The following TCF4 variants were observed in gnomAD, a reference collection of about 807,000 sequenced individuals.
The protein encoded by TCF4 is transcription factor 4.
A neutral mutation model predicts 82.1 loss-of-function variants in TCF4; 3 were observed. That is an observed-to-expected ratio of 0.04 (90% CI 0.02 to 0.09). TCF4 has a LOEUF of 0.09. Ranked by LOEUF, TCF4 falls within the 10% of genes least tolerant of loss-of-function variation. The probability of loss-of-function intolerance (pLI) is 1.00; values close to 1 mark genes in which losing one functional copy is unlikely to be tolerated. For synonymous variants in TCF4, 276 were observed against 309.6 expected (o/e 0.89, Z 1.14); for missense variants, 518 against 852.7 (o/e 0.61, Z 4.89).
In TCF4 at chr18:55,315,343, ATTTC is replaced by A. The variant is rs987785723; in HGVS notation, c.549+35012_549+35015del. On this transcript the variant is annotated intron_variant, in intron 8 of 19. Coordinates refer to ENST00000354452, the MANE Select transcript of TCF4 (RefSeq NM_001083962.2). The stretch of plus-strand genomic sequence containing the variant: ...TAAATACCTCAATGAATATGTGCAG[ATTTC>A]TTTAAGAAATTAGGAAGAATAGGAA... Among the ~76,000 whole-genome samples, 57 of 152,284 alleles carry A rather than the reference ATTTC, an allele frequency of 3.7e-4. 2 individuals carry two copies. In the East Asian group the frequency reaches 3.9e-3, roughly 10 times the overall value.
chr18:55,427,619 A>C lies in TCF4; in HGVS notation c.305-24101T>G, dbSNP rs763069806. On this transcript the variant is annotated intron_variant, in intron 5 of 19. Coordinates refer to ENST00000354452, the MANE Select transcript of TCF4 (RefSeq NM_001083962.2). Reference sequence around the variant, plus strand: ...AAATAGGACTAGGAATAACATCTACATCATGCTATTGTTGTGAGGAACAAA... The same window carrying C: ...AAATAGGACTAGGAATAACATCTACCTCATGCTATTGTTGTGAGGAACAAA... 3.9e-5 allele frequency among the ~76,000 whole-genome samples: 6 copies of C among 152,318 alleles called. No individual in the cohort carries two copies. In the South Asian group the frequency reaches 1.0e-3, roughly 26 times the overall value.
At chr18:55,233,920 A>G (rs1394580465) in intron 16 of TCF4, among the ~76,000 whole-genome samples, 1 of 152,086 alleles carries the variant, frequency 6.6e-6, no homozygotes, top group Admixed American at 6.6e-5. Context: ...AATGTTGAAC[A>G]GCTGAAAAAA....
intron 5 of TCF4, among the ~76,000 whole-genome samples, chr18:55,424,586 C>G (rs2094906585): frequency 6.6e-6 from 1 of 151,952 alleles, no homozygotes; most frequent in South Asian, 2.1e-4. Context: ...AAGGGGGGAG[C>G]AGAGAAAGAC....
intron 8 of TCF4, among the ~76,000 whole-genome samples, chr18:55,337,685 A>C (rs1313118194): frequency 6.6e-6 from 1 of 152,142 alleles, no homozygotes; most frequent in African/African-American, 2.4e-5. Context: ...GAGTGGTGAT[A>C]ATTTAAAAAT....
chr18:55,263,730 CT>C (rs535053980), intron 11 of TCF4, among the ~76,000 whole-genome samples: 73 of 146,242 alleles, frequency 5.0e-4, no homozygotes, highest in Admixed American at 6.9e-4. Flanking sequence ...GGGTACTTAT[CT>C]TTTTTTTTTT....
intron 6 of TCF4, among the ~76,000 whole-genome samples, chr18:55,397,327 A>G (rs2093559243): frequency 6.6e-6 from 1 of 152,220 alleles, no homozygotes; most frequent in Admixed American, 6.5e-5. Flanking sequence ...AAAACAAGTG[A>G]TGAACAAAAT....
At chr18:55,275,865 T>C (rs2061418852) in intron 9 of TCF4, 113 bp from the exon 10 acceptor site, 6 of 1,368,566 alleles carry the variant, frequency 4.4e-6, no homozygotes, top group African/African-American at 2.8e-5. Flanking sequence ...CATCTTTGTG[T>C]TGGTTAGCTG....
At chr18:55,542,686 T>A (rs1454014592) in intron 3 of TCF4, among the ~76,000 whole-genome samples, 1 of 151,918 alleles carries the variant, frequency 6.6e-6, no homozygotes, top group Non-Finnish European at 1.5e-5. Context: ...GTACACACAA[T>A]CTGCCATGTA....
chr18:55,403,944 C>G (rs2093961371), intron 5 of TCF4: 1 of 1,349,486 alleles, frequency 7.4e-7, no homozygotes, highest in African/African-American at 1.5e-5. Flanking sequence ...TAATCAATCA[C>G]AGGCTCTCCA....
At chr18:55,530,561 A>AAG (rs1555729284) in intron 3 of TCF4, among the ~76,000 whole-genome samples, 1 of 106,488 alleles carries the variant, frequency 9.4e-6, no homozygotes, top group South Asian at 4.0e-4. Context: ...GGCCCTGAAA[A>AAG]GGGGGGGGGA....
chr18:55,525,451 G>A (rs867507631), intron 3 of TCF4, among the ~76,000 whole-genome samples: 6 of 152,044 alleles, frequency 3.9e-5, no homozygotes, highest in Admixed American at 1.3e-4. Flanking sequence ...AAGTAAATTC[G>A]AGGGCCATAT....
At chr18:55,509,031 GA>G (rs2096795402) in intron 3 of TCF4, among the ~76,000 whole-genome samples, 1 of 151,956 alleles carries the variant, frequency 6.6e-6, no homozygotes, top group Admixed American at 6.6e-5. Context: ...TTTTAAACAG[GA>G]AAAATACTCC....
chr18:55,602,220 AAATTAAGTAACTTGCTC>A (rs1369529454), intron 2 of TCF4, among the ~76,000 whole-genome samples: 1 of 152,214 alleles, frequency 6.6e-6, no homozygotes, highest in African/African-American at 2.4e-5. Flanking sequence ...AGGCAGAGAG[AAATTAAGTAACTTGCTC>A]AATTAAGTAA....
chr18:55,587,909 T>G lies in TCF4; in HGVS notation c.-21+129A>C, dbSNP rs1013257614. 4.9e-6 allele frequency: 4 copies of G among 815,812 alleles called. No homozygotes were observed. In the African/African-American group the frequency reaches 7.5e-5, roughly 15 times the overall value. The allele number at this position is 815,812 out of a possible 1,614,324, so 50.5% of individuals were successfully genotyped here. ...GCGGCGGGAGGGGAAGGGGTGTCTC[T>G]TCTGGGAGCGCCGGGCGCCGGGAGC... On this transcript the variant is annotated intron_variant, in intron 1 of 19. Coordinates refer to ENST00000354452, the MANE Select transcript of TCF4 (RefSeq NM_001083962.2).
intron 3 of TCF4, among the ~76,000 whole-genome samples, chr18:55,481,989 A>G (rs562762409): frequency 6.6e-6 from 1 of 152,282 alleles, no homozygotes; most frequent in African/African-American, 2.4e-5. Flanking sequence ...GAGGTTTCTG[A>G]TATTTATTTA....
intron 6 of TCF4, among the ~76,000 whole-genome samples, chr18:55,395,487 A>G (rs1241875323): frequency 6.6e-6 from 1 of 152,186 alleles, no homozygotes; most frequent in Non-Finnish European, 1.5e-5. Context: ...TCTCAAAGCA[A>G]TTTCAATGGC....
chr18:55,507,301 G>A (rs1235799281), intron 3 of TCF4, among the ~76,000 whole-genome samples: 1 of 152,294 alleles, frequency 6.6e-6, no homozygotes. Flanking sequence ...ACTAGAACCT[G>A]AGCACTGCCA....
intron 3 of TCF4, among the ~76,000 whole-genome samples, chr18:55,538,026 G>GCGCA (rs1277287061): frequency 0.044 from 5,822 of 131,462 alleles, 134 homozygotes; most frequent in South Asian, 0.11. Flanking sequence ...CTGCGCGCGC[G>GCGCA]CACACACACA....
At chr18:55,520,483 A>G (rs1568302026) in intron 3 of TCF4, among the ~76,000 whole-genome samples, 1 of 152,174 alleles carries the variant, frequency 6.6e-6, no homozygotes. Flanking sequence ...ATAGGCTCCC[A>G]AGCAAAATGT....
Sources: allele counts gnomAD v4.1 joint callset (sites outside exome capture counted in the v4.1 genomes callset), GRCh38; gene constraint gnomAD v4.1.1; transcripts MANE v1.5; gene names NCBI Gene and HGNC (gene_info 2026-07-23, HGNC 2026-07-21).